Variants in ZNF608 observed in about 807,000 individuals in gnomAD.
ZNF608 encodes zinc finger protein 608.
In ZNF608, 12 loss-of-function variants were observed where a neutral mutation model predicts 109.0. That is an observed-to-expected ratio of 0.11 (90% CI 0.07 to 0.18). ZNF608 has a LOEUF of 0.18. Among genes scored for constraint, ZNF608 ranks in the 10% least tolerant of loss-of-function variants. The pLI is 1.00. For missense variants in ZNF608, 1,707 were observed against 1,879.3 expected (o/e 0.91, Z 1.70); for synonymous variants, 732 against 717.4 (o/e 1.02, Z -0.33).
At chr5:124,660,193 T>TGTGTGTGTGTGA (rs1554084199) in intron 3 of ZNF608, among the ~76,000 whole-genome samples, 3 of 128,798 alleles carry the variant, frequency 2.3e-5, no homozygotes, top group African/African-American at 9.6e-5. Context: ...TGTGTGTGTG[T>TGTGTGTGTGTGA]GAGAGAGAGA....
chr5:124,696,026 A>G (rs1580643853), intron 3 of ZNF608, among the ~76,000 whole-genome samples: 3 of 152,224 alleles, frequency 2.0e-5, no homozygotes, highest in African/African-American at 7.2e-5. Flanking sequence ...TCTACTAAAA[A>G]TACAAAAATT....
Position 124,643,686 on chromosome 5 carries a change from G to T in ZNF608, c.4124-3C>A, listed in dbSNP as rs752671023. 69 of 1,613,518 alleles carry T rather than the reference G, an allele frequency of 4.3e-5. 1 individual carries two copies. The highest frequency in any genetic ancestry group is 1.7e-6 in the Non-Finnish European group (2 of 1,179,852). On this transcript the variant is annotated splice_region_variant and splice_polypyrimidine_tract_variant and intron_variant, in intron 6 of 9. Coordinates refer to ENST00000513986, the MANE Select transcript of ZNF608 (RefSeq NM_020747.3). ...AAATCCTGGAGAGAGATATGCCCCTGCAGATAAACAACAAATGCCACATCA... is the reference window on the plus strand; with the variant it reads ...AAATCCTGGAGAGAGATATGCCCCTTCAGATAAACAACAAATGCCACATCA...
chr5:124,688,129 T>C (rs1054183525), intron 3 of ZNF608, among the ~76,000 whole-genome samples: 7 of 152,172 alleles, frequency 4.6e-5, no homozygotes, highest in African/African-American at 1.4e-4. Flanking sequence ...GAATGGATGT[T>C]TGACAGACTA....
At chr5:124,640,710 C>T (rs1750200451) in intron 8 of ZNF608, among the ~76,000 whole-genome samples, 1 of 152,216 alleles carries the variant, frequency 6.6e-6, no homozygotes, top group South Asian at 2.1e-4. Context: ...TCATATCAAT[C>T]CTATGGCTTA....
At chr5:124,726,276 G>A (rs936641073) in intron 2 of ZNF608, among the ~76,000 whole-genome samples, 4 of 152,070 alleles carry the variant, frequency 2.6e-5, no homozygotes, top group African/African-American at 7.2e-5. Flanking sequence ...TAACTCTAGA[G>A]GTGACCTCTT....
intron 3 of ZNF608, among the ~76,000 whole-genome samples, chr5:124,694,024 A>G (rs1482629342): frequency 1.7e-4 from 19 of 108,646 alleles, no homozygotes; most frequent in South Asian, 3.2e-4. Context: ...TGCCCAGGCT[A>G]GAGTGCAGTG....
At chr5:124,689,481 AGAGAGAC>A (rs1752528475) in intron 3 of ZNF608, among the ~76,000 whole-genome samples, 1 of 140,184 alleles carries the variant, frequency 7.1e-6, no homozygotes, top group African/African-American at 2.6e-5. Context: ...AAAAAAAAAG[AGAGAGAC>A]AGAGAGAGAA....
chr5:124,705,864 C>G (rs1470719274), intron 2 of ZNF608, among the ~76,000 whole-genome samples: 2 of 152,144 alleles, frequency 1.3e-5, no homozygotes, highest in African/African-American at 4.8e-5. Flanking sequence ...TTTTCTCATG[C>G]ACTGCTGCCC....
In ZNF608 at chr5:124,649,126, C is replaced by T; in HGVS notation, c.1258G>A (p.Glu420Lys). ...KHDWAPPRFC[E>K]SPTSDLEMRG... ...ATCTCCAGGTCACTTGTCGGTGACT[C>T]ACAAAACCTATGGAAGCAAGTAACA... The change falls in exon 5 of 10, where the codon GAG becomes AAG. Residue 420 changes from glutamate to lysine, a missense_variant. Physicochemically the swap from Glu to Lys is moderately conservative, Grantham distance 56. Around this residue, in one of 7 missense-constraint regions of ZNF608, gnomAD observed 166 missense variants for 204.2 expected, o/e 0.81. Transcript: ENST00000513986. 6.4e-7 allele frequency: 1 copy of T among 1,556,416 alleles called. No homozygotes were observed. Among genetic ancestry groups the T allele is most frequent in the East Asian group, 2.2e-5 (1 of 44,492 alleles).
At chr5:124,742,846 C>T (rs1273298731) in intron 2 of ZNF608, among the ~76,000 whole-genome samples, 2 of 152,182 alleles carry the variant, frequency 1.3e-5, no homozygotes, top group African/African-American at 4.8e-5. Context: ...ATTATCACCA[C>T]TTACAATCCC....
At chr5:124,674,302 T>C (rs745918418) in intron 3 of ZNF608, among the ~76,000 whole-genome samples, 1 of 152,216 alleles carries the variant, frequency 6.6e-6, no homozygotes, top group Non-Finnish European at 1.5e-5. Context: ...CACATTGGAA[T>C]CAACTGGGTG....
chr5:124,656,413 G>A (rs1457663499), intron 3 of ZNF608, among the ~76,000 whole-genome samples: 1 of 152,062 alleles, frequency 6.6e-6, no homozygotes, highest in African/African-American at 2.4e-5. Flanking sequence ...CACTCTATCT[G>A]CGTTAATTAT....
intron 3 of ZNF608, among the ~76,000 whole-genome samples, chr5:124,686,878 C>T (rs568792539): frequency 1.3e-5 from 2 of 152,294 alleles, no homozygotes; most frequent in East Asian, 3.9e-4. Context: ...CAGGAGAATA[C>T]AAGGCATTGA....
chr5:124,709,744 T>C (rs1753415511), intron 2 of ZNF608, among the ~76,000 whole-genome samples: 1 of 152,248 alleles, frequency 6.6e-6, no homozygotes, highest in Non-Finnish European at 1.5e-5. Context: ...TTTTCATATC[T>C]TGTTCATAAG....
chr5:124,651,226 G>A (rs1750757876), intron 3 of ZNF608, among the ~76,000 whole-genome samples: 1 of 152,138 alleles, frequency 6.6e-6, no homozygotes, highest in Admixed American at 6.5e-5. Flanking sequence ...CTATTGCGAT[G>A]AGAATCCATG....
rs1384814386 is a variant in ZNF608 at position 124,664,984 on chromosome 5, G to C, written c.1163-15287C>G. 2.0e-5 allele frequency among the ~76,000 whole-genome samples: 3 copies of C among 152,086 alleles called. No homozygotes were observed. In the South Asian group the frequency reaches 6.2e-4, roughly 32 times the overall value. ...AGGTCAGGAGTTTGAGACCAGCCTG[G>C]TCAACATAGTGAAACCCCGTCTCTA... On this transcript the variant is annotated intron_variant, in intron 3 of 9. Coordinates refer to ENST00000513986, the MANE Select transcript of ZNF608 (RefSeq NM_020747.3).
intron 3 of ZNF608, among the ~76,000 whole-genome samples, chr5:124,695,109 A>G (rs970196665): frequency 6.6e-5 from 10 of 152,304 alleles, no homozygotes; most frequent in Non-Finnish European, 1.3e-4. Flanking sequence ...CAGGAGTCAT[A>G]AGAAGCATGC....
Position 124,637,471 on chromosome 5 carries a change from C to T in ZNF608, c.*429G>A, listed in dbSNP as rs75323508. The stretch of plus-strand genomic sequence containing the variant: ...ATGTGAAGGATATGCAAGGTTCAGG[C>T]ACACTGATACATAACATTATTTATT... On this transcript the variant is annotated 3_prime_UTR_variant, in exon 10 of 10. Transcript: ENST00000513986. 0.048 allele frequency: 7,348 copies of T among 152,526 alleles called. 254 individuals are homozygous for T. Among genetic ancestry groups the T allele is most frequent in the Non-Finnish European group, 0.059 (4,016 of 68,008 alleles). 9.4% of individuals were successfully genotyped at this position (152,526 alleles called of 1,614,324 possible). A position where few individuals can be genotyped will look rare whatever the true frequency, so the allele number is the denominator to read the frequency against.
chr5:124,663,095 G>A (rs1751341346), intron 3 of ZNF608, among the ~76,000 whole-genome samples: 1 of 152,172 alleles, frequency 6.6e-6, no homozygotes, highest in Non-Finnish European at 1.5e-5. Context: ...ATCTTTTTCA[G>A]TGGAAACTAG....
Sources: allele counts gnomAD v4.1 joint callset (sites outside exome capture counted in the v4.1 genomes callset), GRCh38; gene constraint gnomAD v4.1.1; regional missense constraint gnomAD v4.1.1; transcripts MANE v1.5; gene names NCBI Gene and HGNC (gene_info 2026-07-23, HGNC 2026-07-21).